The following TRIO variants were observed in gnomAD, a reference collection of about 807,000 sequenced individuals.
The protein encoded by TRIO is triple functional domain protein.
Under a neutral mutation model 351.9 loss-of-function variants are expected in TRIO, and 58 were observed. The observed-to-expected ratio is 0.16, with a 90% confidence interval of 0.13 to 0.21. TRIO has a LOEUF of 0.21. TRIO is among the 10% of genes least tolerant of loss of function. The pLI, the probability that TRIO is intolerant of heterozygous loss-of-function variation, is 1.00. For synonymous variants in TRIO, 1,758 were observed against 1,595.7 expected (o/e 1.10, Z -2.42); for missense variants, 3,201 against 4,027.8 (o/e 0.79, Z 5.56).
rs768656386 is a variant in TRIO at position 14,297,257 on chromosome 5, C to T, written c.1362C>T (p.Ala454=). The part of the protein sequence containing the change: ...LDMSSIFHQK[A]EKYMSNVDSW... ...TGTCCTCCATTTTCCACCAGAAGGCCGAAAAGGTCAGTGCCTTGAACCCCC... is the reference window on the plus strand; with the variant it reads ...TGTCCTCCATTTTCCACCAGAAGGCTGAAAAGGTCAGTGCCTTGAACCCCC... Residue 454 remains alanine (A), a synonymous_variant, in exon 7 of 57, where the codon GCC becomes GCT. Coordinates refer to ENST00000344204, the MANE Select transcript of TRIO (RefSeq NM_007118.4). The T allele has an allele frequency of 3.3e-5, 53 of 1,613,342 alleles. No homozygotes were observed. Among genetic ancestry groups the T allele is most frequent in the Non-Finnish European group, 4.1e-5 (48 of 1,179,700 alleles).
chr5:14,230,713 G>T (rs931993829), intron 1 of TRIO, among the ~76,000 whole-genome samples: 1 of 151,760 alleles, frequency 6.6e-6, no homozygotes, highest in Non-Finnish European at 1.5e-5. Flanking sequence ...TTTCTCCTTT[G>T]TATCATTCTC....
intron 31 of TRIO, among the ~76,000 whole-genome samples, chr5:14,401,589 T>G (rs1321681911): frequency 6.6e-6 from 1 of 152,160 alleles, no homozygotes; most frequent in Non-Finnish European, 1.5e-5. Flanking sequence ...GATACTGTTA[T>G]GATTTAAAAT....
At position 14,509,671 on chromosome 5, in the gene TRIO, A is replaced by T. The variant is rs2126730715; in HGVS notation, c.*1249A>T. The T allele has an allele frequency of 3.0e-6, 1 of 330,764 alleles. No individual in the cohort carries two copies. Among genetic ancestry groups the T allele is most frequent in the South Asian group, 2.3e-5 (1 of 42,758 alleles). The allele number at this position is 330,764 out of a possible 1,614,324, so 20.5% of individuals were successfully genotyped here. ...CTGGGTTTTGAGCTTTTGGTAAGAA[A>T]TAAAAGCCGATTAAGCACTGGCCGC... On this transcript the variant is annotated 3_prime_UTR_variant, in exon 57 of 57. Coordinates refer to ENST00000344204, the MANE Select transcript of TRIO (RefSeq NM_007118.4).
intron 54 of TRIO, among the ~76,000 whole-genome samples, chr5:14,503,725 T>G (rs1460882001): frequency 1.3e-5 from 2 of 152,104 alleles, no homozygotes; most frequent in Admixed American, 6.5e-5. Context: ...AGCCCCCGCC[T>G]CCGAGTGACA....
intron 1 of TRIO, among the ~76,000 whole-genome samples, chr5:14,156,302 C>T (rs988663053): frequency 2.0e-5 from 3 of 152,124 alleles, no homozygotes; most frequent in African/African-American, 7.2e-5. Context: ...AGAAATGGTT[C>T]ATTTTAGTAG....
At chr5:14,182,366 CTT>C (rs1474520022) in intron 1 of TRIO, among the ~76,000 whole-genome samples, 1 of 152,226 alleles carries the variant, frequency 6.6e-6, no homozygotes, top group Non-Finnish European at 1.5e-5. Flanking sequence ...TTGGCTCACT[CTT>C]TAGAGATGCT....
intron 1 of TRIO, among the ~76,000 whole-genome samples, chr5:14,191,677 A>T (rs1790466916): frequency 2.0e-5 from 3 of 152,208 alleles, no homozygotes; most frequent in Non-Finnish European, 4.4e-5. Flanking sequence ...GATTAAAATC[A>T]TAGGTAAAGT....
rs569038055 is a variant in TRIO, at chr5:14,332,538, G to A, written c.1854+1638G>A. On this transcript the variant is annotated intron_variant, in intron 10 of 56. Coordinates refer to ENST00000344204, the MANE Select transcript of TRIO (RefSeq NM_007118.4). ...TAGGCTGTTGCTTTGCAGTAAGTTTGGTTCCTAATATAAGATGTATTGTTT... is the reference window on the plus strand; with the variant it reads ...TAGGCTGTTGCTTTGCAGTAAGTTTAGTTCCTAATATAAGATGTATTGTTT... Among the ~76,000 whole-genome samples the A allele has an allele frequency of 1.5e-4, 23 of 152,238 alleles. No homozygotes were observed. The South Asian group carries it at 3.9e-3, about 26-fold the overall frequency.
At chr5:14,409,389 A>G (rs1352026274) in intron 33 of TRIO, among the ~76,000 whole-genome samples, 1 of 152,052 alleles carries the variant, frequency 6.6e-6, no homozygotes, top group Non-Finnish European at 1.5e-5. Context: ...AAAAAAAAAA[A>G]AAAAGCAAAT....
intron 1 of TRIO, chr5:14,183,763 C>T (rs1032667625): frequency 1.5e-5 from 8 of 526,162 alleles, no homozygotes; most frequent in East Asian, 1.0e-4. Context: ...GGCATGCGGC[C>T]GCAGTTACAG....
chr5:14,348,765 A>C (rs914031989), intron 11 of TRIO, among the ~76,000 whole-genome samples: 1 of 105,086 alleles, frequency 9.5e-6, no homozygotes, highest in Non-Finnish European at 2.3e-5. Context: ...GCACATGAGC[A>C]TGTGTGTTTT....
At chr5:14,257,417 T>G (rs187018934) in intron 1 of TRIO, among the ~76,000 whole-genome samples, 60 of 152,282 alleles carry the variant, frequency 3.9e-4, no homozygotes, top group Admixed American at 7.8e-4. Context: ...AGAGAGGTAG[T>G]TAGTAGTCTC....
At chr5:14,274,421 G>A (rs1735319223) in intron 2 of TRIO, among the ~76,000 whole-genome samples, 1 of 152,140 alleles carries the variant, frequency 6.6e-6, no homozygotes, top group Non-Finnish European at 1.5e-5. Context: ...AATACTTAAT[G>A]GGTGTGATTG....
In TRIO at chr5:14,479,246, C is replaced by T. The variant is rs1400221039; in HGVS notation, c.6154-15C>T. 1 of 1,609,692 alleles carries T rather than the reference C, an allele frequency of 6.2e-7. No homozygotes were observed. Among genetic ancestry groups the T allele is most frequent in the Non-Finnish European group, 8.5e-7 (1 of 1,176,560 alleles). On this transcript the variant is annotated splice_polypyrimidine_tract_variant and intron_variant, in intron 41 of 56. Coordinates refer to ENST00000344204, the MANE Select transcript of TRIO (RefSeq NM_007118.4). ...CCATTGTTATAACCCAACTGTTTGC[C>T]TTTTTTATTCCTAGGAGAGAAGGTT... is the stretch of plus-strand genomic sequence containing the variant.
At chr5:14,305,461 C>G (rs1177884257) in intron 8 of TRIO, among the ~76,000 whole-genome samples, 2 of 152,170 alleles carry the variant, frequency 1.3e-5, no homozygotes, top group Non-Finnish European at 2.9e-5. Context: ...AAGGTTTTCT[C>G]CCTGAGTAAG....
chr5:14,363,722 C>G lies in TRIO; in HGVS notation c.2392-10C>G. 1.2e-6 allele frequency: 2 copies of G among 1,609,544 alleles called. No homozygotes were observed. Among genetic ancestry groups the G allele is most frequent in the Non-Finnish European group, 1.7e-6 (2 of 1,176,730 alleles). On this transcript the variant is annotated splice_polypyrimidine_tract_variant and intron_variant, in intron 13 of 56. Coordinates refer to ENST00000344204, the MANE Select transcript of TRIO (RefSeq NM_007118.4). ...TTTTTTTTGTCTTGATCTTAAATACCTTCTTTCAGATTATCTCAGACCTCG... is the reference window on the plus strand; with the variant it reads ...TTTTTTTTGTCTTGATCTTAAATACGTTCTTTCAGATTATCTCAGACCTCG...
intron 1 of TRIO, among the ~76,000 whole-genome samples, chr5:14,199,683 C>T (rs549911110): frequency 6.6e-6 from 1 of 152,102 alleles, no homozygotes; most frequent in East Asian, 1.9e-4. Flanking sequence ...TTTCTTTCCC[C>T]CTCCCCTTTT....
intron 1 of TRIO, chr5:14,183,651 T>A: frequency 3.7e-6 from 1 of 267,828 alleles, no homozygotes; most frequent in Non-Finnish European, 7.0e-6. Flanking sequence ...CAGAGTCTCA[T>A]TTTTTTCCCC....
At chr5:14,161,258 C>T (rs1381528195) in intron 1 of TRIO, among the ~76,000 whole-genome samples, 1 of 152,120 alleles carries the variant, frequency 6.6e-6, no homozygotes, top group Non-Finnish European at 1.5e-5. Flanking sequence ...CTGGGCAGAC[C>T]TCCTGGGAAA....
Sources: allele counts gnomAD v4.1 joint callset (sites outside exome capture counted in the v4.1 genomes callset), GRCh38; gene constraint gnomAD v4.1.1; transcripts MANE v1.5; gene names NCBI Gene and HGNC (gene_info 2026-07-23, HGNC 2026-07-21).